Variants in TTC27 observed in about 807,000 individuals in gnomAD.
TTC27 encodes tetratricopeptide repeat protein 27.
Under a neutral mutation model 115.9 loss-of-function variants are expected in TTC27, and 79 were observed. That is an observed-to-expected ratio of 0.68 (90% CI 0.57 to 0.82). The LOEUF (loss-of-function observed/expected upper bound fraction) is 0.82. TTC27 is among the 40% of genes least tolerant of loss of function. The probability of loss-of-function intolerance (pLI) is 0.00; values close to 1 mark genes in which losing one functional copy is unlikely to be tolerated. For synonymous variants in TTC27, 401 were observed against 356.0 expected, an observed-to-expected ratio of 1.13 and a Z score of -1.42; for missense variants, 1,054 against 993.1, an observed-to-expected ratio of 1.06 and a Z score of -0.82.
rs79252591 is a variant in TTC27, at chr2:32,780,509, G to A, written c.1780-2117G>A. On this transcript the variant is annotated intron_variant, in intron 14 of 19. Transcript: ENST00000317907. The stretch of plus-strand genomic sequence containing the variant: ...GGCTGAGGTGCAGTGGTGCAATCTC[G>A]GCCTACGGCAACCTCCGCCTCCCAG... Among the ~76,000 whole-genome samples, 1,081 of 152,024 alleles carry A rather than the reference G, an allele frequency of 7.1e-3. 11 individuals carry two copies. Among genetic ancestry groups the A allele is most frequent in the African/African-American group, 0.025 (1,032 of 41,470 alleles).
intron 16 of TTC27, among the ~76,000 whole-genome samples, chr2:32,800,641 G>T (rs1218552080): frequency 6.6e-6 from 1 of 151,966 alleles, no homozygotes; most frequent in African/African-American, 2.4e-5. Context: ...AGGATTACAG[G>T]CATGCGCCAC....
At chr2:32,673,408 G>T (rs1379200451) in intron 8 of TTC27, among the ~76,000 whole-genome samples, 1 of 151,818 alleles carries the variant, frequency 6.6e-6, no homozygotes, top group Non-Finnish European at 1.5e-5. Context: ...TGTATTTTTA[G>T]TAGAGATGGG....
Position 32,818,908 on chromosome 2 carries a change from T to G in TTC27, c.2409+1351T>G, listed in dbSNP as rs368097417. Reference sequence around the variant, plus strand: ...AATTAACTTACTTCACTTTTCCTATTTATCTGCATGACCCAGGAGAACTAT... The same window carrying G: ...AATTAACTTACTTCACTTTTCCTATGTATCTGCATGACCCAGGAGAACTAT... On this transcript the variant is annotated intron_variant, in intron 19 of 19. Transcript: ENST00000317907. Among the ~76,000 whole-genome samples, 8 of 152,132 alleles carry G rather than the reference T, an allele frequency of 5.3e-5. No individual in the cohort carries two copies. The East Asian group carries it at 1.5e-3, about 29-fold the overall frequency.
intron 16 of TTC27, among the ~76,000 whole-genome samples, chr2:32,806,897 T>G (rs1356248508): frequency 2.0e-5 from 3 of 152,234 alleles, no homozygotes; most frequent in Non-Finnish European, 4.4e-5. Context: ...TGAGGTTTTC[T>G]TAAGTACAGG....
At chr2:32,677,302 G>T (rs1666246756) in intron 8 of TTC27, among the ~76,000 whole-genome samples, 1 of 151,730 alleles carries the variant, frequency 6.6e-6, no homozygotes, top group Non-Finnish European at 1.5e-5. Flanking sequence ...ATTGTTTCCA[G>T]ATTTTTCCTA....
chr2:32,703,566 G>A (rs1447886645), intron 10 of TTC27, among the ~76,000 whole-genome samples: 1 of 152,156 alleles, frequency 6.6e-6, no homozygotes, highest in Non-Finnish European at 1.5e-5. Flanking sequence ...CCATAGGTAT[G>A]GGTTGTATAA....
At chr2:32,663,482 C>A (rs1380884820) in intron 5 of TTC27, among the ~76,000 whole-genome samples, 1 of 152,156 alleles carries the variant, frequency 6.6e-6, no homozygotes, top group Non-Finnish European at 1.5e-5. Context: ...TTGGCCCGCC[C>A]TCCATGGGCT....
At chr2:32,647,123 T>C (rs1262905651) in intron 4 of TTC27, among the ~76,000 whole-genome samples, 1 of 151,928 alleles carries the variant, frequency 6.6e-6, no homozygotes, top group Non-Finnish European at 1.5e-5. Context: ...TAAAAAACAA[T>C]TTTTGTAGAA....
At chr2:32,724,172 G>C (rs141257947) in intron 10 of TTC27, among the ~76,000 whole-genome samples, 1 of 152,126 alleles carries the variant, frequency 6.6e-6, no homozygotes, top group East Asian at 1.9e-4. Flanking sequence ...GAGAAAATTG[G>C]AGGTAGATGG....
chr2:32,632,297 C>T (rs1438590894), intron 2 of TTC27, among the ~76,000 whole-genome samples: 1 of 151,816 alleles, frequency 6.6e-6, no homozygotes, highest in Non-Finnish European at 1.5e-5. Flanking sequence ...GCATGAGTCA[C>T]TCCGCCCGGC....
intron 10 of TTC27, among the ~76,000 whole-genome samples, chr2:32,729,250 T>A (rs1415693248): frequency 6.6e-6 from 1 of 152,244 alleles, no homozygotes; most frequent in Non-Finnish European, 1.5e-5. Flanking sequence ...TAAATAAGTC[T>A]AAATCATACC....
intron 9 of TTC27, among the ~76,000 whole-genome samples, chr2:32,702,395 C>G (rs1009498775): frequency 1.3e-5 from 2 of 151,994 alleles, no homozygotes; most frequent in African/African-American, 4.8e-5. Context: ...CCTGTTTTCA[C>G]TTATCCAGTA....
chr2:32,642,688 G>T (rs1471661212), intron 4 of TTC27, among the ~76,000 whole-genome samples: 1 of 151,584 alleles, frequency 6.6e-6, no homozygotes, highest in Non-Finnish European at 1.5e-5. Context: ...TTTTTTTTAA[G>T]ACAGGCTCTG....
intron 6 of TTC27, 72 bp from the exon 7 acceptor site, chr2:32,666,563 A>T (rs1665783093): frequency 6.8e-7 from 1 of 1,477,444 alleles, no homozygotes; most frequent in African/African-American, 1.4e-5. Context: ...GCACTCTGAA[A>T]ATATTACTCT....
chr2:32,699,339 C>G (rs1186017850), intron 9 of TTC27, among the ~76,000 whole-genome samples: 1 of 152,178 alleles, frequency 6.6e-6, no homozygotes, highest in Non-Finnish European at 1.5e-5. Context: ...GATCACTTCT[C>G]AAGTTCTAAA....
Position 32,630,529 on chromosome 2 carries a change from G to A in TTC27, c.95G>A (p.Gly32Glu), listed in dbSNP as rs368975884. The A allele has an allele frequency of 2.5e-6, 4 of 1,605,116 alleles. No homozygotes were observed. The African/African-American group carries it at 5.4e-5, about 22-fold the overall frequency. Residue 32 changes from glycine (G) to glutamate (E), a missense_variant, in exon 2 of 20, where the codon GGA (glycine) becomes GAA (glutamate). By Grantham distance (98) the Gly-to-Glu change is moderately conservative (BLOSUM62 -2). Coordinates refer to ENST00000317907, the MANE Select transcript of TTC27 (RefSeq NM_017735.5). ...CTAATTTTTTATATTACAGAGAGTG[G>A]ATCTTTCCTACAATTGCTACTGGAA... ...KQEGVVGSES[G>E]SFLQLLLEGN...
chr2:32,657,922 G>A (rs540489054), intron 5 of TTC27, among the ~76,000 whole-genome samples: 60 of 151,700 alleles, frequency 4.0e-4, no homozygotes, highest in African/African-American at 1.3e-3. Context: ...CTCCACCTTC[G>A]GGGTTCAAGT....
intron 11 of TTC27, 139 bp from the exon 12 acceptor site, chr2:32,736,554 TA>T: frequency 1.1e-6 from 1 of 905,294 alleles, no homozygotes; most frequent in Non-Finnish European, 1.6e-6. Context: ...TACAAACTTC[TA>T]AATAGTACAG....
intron 9 of TTC27, among the ~76,000 whole-genome samples, chr2:32,690,029 T>G (rs1666759468): frequency 6.6e-6 from 1 of 152,206 alleles, no homozygotes; most frequent in Non-Finnish European, 1.5e-5. Context: ...GGATATACAG[T>G]AAGCCCTTGC....
Sources: allele counts gnomAD v4.1 joint callset (sites outside exome capture counted in the v4.1 genomes callset), GRCh38; gene constraint gnomAD v4.1.1; transcripts MANE v1.5; gene names NCBI Gene and HGNC (gene_info 2026-07-23, HGNC 2026-07-21).